Variants in EDA observed in about 807,000 individuals in gnomAD.
EDA encodes the protein ectodysplasin-A.
In EDA, 2 loss-of-function variants were observed where a neutral mutation model predicts 23.6. That is an observed-to-expected ratio of 0.08 (90% CI 0.03 to 0.27). EDA has a LOEUF of 0.27. Among genes scored for constraint, EDA ranks in the 10% least tolerant of loss-of-function variants. The probability of loss-of-function intolerance (pLI) is 1.00; values close to 1 mark genes in which losing one functional copy is unlikely to be tolerated. For missense variants in EDA, 229 were observed against 324.2 expected, an observed-to-expected ratio of 0.71 and a Z score of 2.26; for synonymous variants, 131 against 132.0, an observed-to-expected ratio of 0.99 and a Z score of 0.05.
At chrX:69,896,445 G>C (rs1368163345) in intron 1 of EDA, among the ~76,000 whole-genome samples, 5 of 106,840 alleles carry the variant, frequency 4.7e-5, no homozygotes, top group Non-Finnish European at 9.6e-5. Context: ...GTTGAGAAAG[G>C]CTGCAAAGAA....
chrX:69,908,971 CAAGAT>C (rs903592009), intron 1 of EDA, among the ~76,000 whole-genome samples: 3 of 110,281 alleles, frequency 2.7e-5, no homozygotes, highest in African/African-American at 9.9e-5. Context: ...AAGATTTAGA[CAAGAT>C]GAGTTCTGAA....
At chrX:69,786,179 CT>C (rs1569331340) in intron 1 of EDA, among the ~76,000 whole-genome samples, 1 of 111,273 alleles carries the variant, frequency 9.0e-6, no homozygotes, top group African/African-American at 3.3e-5. Context: ...TTTATTGTCT[CT>C]TTTTTTCTTT....
chrX:69,691,129 C>A (rs1934701403), intron 1 of EDA, among the ~76,000 whole-genome samples: 1 of 111,687 alleles, frequency 9.0e-6, no homozygotes, highest in Admixed American at 9.5e-5. Context: ...CAGCTAGTAA[C>A]CACTATATAA....
At chrX:69,619,027 T>G (rs1262950330) in intron 1 of EDA, among the ~76,000 whole-genome samples, 1 of 112,276 alleles carries the variant, frequency 8.9e-6, no homozygotes, top group Non-Finnish European at 1.9e-5. Flanking sequence ...ACATTTAATT[T>G]TCAGTATCTG....
chrX:69,666,198 A>G (rs369626677), intron 1 of EDA, among the ~76,000 whole-genome samples: 6 of 112,027 alleles, frequency 5.4e-5, no homozygotes, highest in Non-Finnish European at 1.1e-4. Flanking sequence ...ACAGTTTTTT[A>G]TGGACTTGGG....
At chrX:70,023,169 T>A in intron 2 of EDA, 49 bp from the exon 3 acceptor site, 1 of 885,812 alleles carries the variant, frequency 1.1e-6, no homozygotes, top group Non-Finnish European at 1.6e-6. Context: ...AAATAAACAT[T>A]TTCTGTTCAT....
intron 2 of EDA, among the ~76,000 whole-genome samples, chrX:69,994,727 C>T (rs754011599): frequency 1.5e-4 from 17 of 111,852 alleles, no homozygotes; most frequent in Non-Finnish European, 3.2e-4. Flanking sequence ...CCTAATGTTC[C>T]AAACTCCTAT....
rs761518481 is a variant in EDA at position 69,637,156 on chromosome X, T to G, written c.396+20452T>G. ...ATGGAGATGGGAAGAAATACAAAAG[T>G]GCAAAAGTTATGTATGCCAAGTAGT... On this transcript the variant is annotated intron_variant, in intron 1 of 7. Transcript: ENST00000374552. Among the ~76,000 whole-genome samples the G allele has an allele frequency of 4.5e-5, 5 of 111,761 alleles. No individual in the cohort carries two copies. In the East Asian group the frequency reaches 1.4e-3, roughly 31 times the overall value.
At chrX:69,782,796 T>A (rs993616292) in intron 1 of EDA, among the ~76,000 whole-genome samples, 1 of 111,892 alleles carries the variant, frequency 8.9e-6, no homozygotes, top group African/African-American at 3.2e-5. Context: ...GTATCTAAAA[T>A]ATAACTTGAC....
chrX:69,703,242 G>A (rs1321564478), intron 1 of EDA, among the ~76,000 whole-genome samples: 3 of 111,578 alleles, frequency 2.7e-5, no homozygotes, highest in Non-Finnish European at 5.6e-5. Context: ...AACCAAGAGA[G>A]GCCGTGCAGA....
chrX:69,832,459 G>T (rs1271969398), intron 1 of EDA, among the ~76,000 whole-genome samples: 1 of 111,869 alleles, frequency 8.9e-6, no homozygotes, highest in African/African-American at 3.2e-5. Context: ...ATAGTTTGAA[G>T]TCAGGTAGCA....
chrX:69,763,763 G>C (rs1017799423), intron 1 of EDA, among the ~76,000 whole-genome samples: 2 of 111,623 alleles, frequency 1.8e-5, no homozygotes, highest in Non-Finnish European at 3.8e-5. Context: ...GCATGGTTTG[G>C]AGTTCTCTGT....
chrX:69,626,088 A>G (rs1170775106), intron 1 of EDA, among the ~76,000 whole-genome samples: 1 of 111,817 alleles, frequency 8.9e-6, no homozygotes, highest in Non-Finnish European at 1.9e-5. Flanking sequence ...TATCCATTAC[A>G]GAAATTTAAA....
chrX:69,838,951 A>G (rs1288723734), intron 1 of EDA, among the ~76,000 whole-genome samples: 2 of 112,145 alleles, frequency 1.8e-5, no homozygotes, highest in African/African-American at 6.5e-5. Flanking sequence ...TATCCACACA[A>G]AGAAATAAAT....
Position 69,708,776 on chromosome X carries a change from G to A in EDA, c.396+92072G>A, listed in dbSNP as rs184118312. Among the ~76,000 whole-genome samples, 11 of 110,742 alleles carry A rather than the reference G, an allele frequency of 9.9e-5. No individual in the cohort carries two copies. The East Asian group carries it at 2.8e-3, about 29-fold the overall frequency. On this transcript the variant is annotated intron_variant, in intron 1 of 7. Coordinates refer to ENST00000374552, the MANE Select transcript of EDA (RefSeq NM_001399.5). The stretch of plus-strand genomic sequence containing the variant: ...GGGCAGACAAAAAATATAAAAAATA[G>A]ATCTATAATATATCAGGTGGAAGCA...
intron 1 of EDA, among the ~76,000 whole-genome samples, chrX:69,941,421 T>C (rs886605575): frequency 1.7e-4 from 19 of 111,724 alleles, no homozygotes; most frequent in Admixed American, 9.5e-5. Context: ...TTAACTCTAA[T>C]AACATTTGTT....
At chrX:69,758,930 A>G (rs2014213366) in intron 1 of EDA, among the ~76,000 whole-genome samples, 1 of 112,438 alleles carries the variant, frequency 8.9e-6, no homozygotes, top group Admixed American at 9.4e-5. Flanking sequence ...ACCGATTGTC[A>G]AGTTGGAGGT....
intron 1 of EDA, among the ~76,000 whole-genome samples, chrX:69,954,259 C>T (rs1403893872): frequency 9.0e-6 from 1 of 111,094 alleles, no homozygotes; most frequent in Non-Finnish European, 1.9e-5. Context: ...TTCCTCTGAA[C>T]CTTTAAGCAC....
At chrX:69,962,819 G>T (rs771243251) in intron 2 of EDA, among the ~76,000 whole-genome samples, 1 of 112,061 alleles carries the variant, frequency 8.9e-6, no homozygotes, top group East Asian at 2.8e-4. Flanking sequence ...GGCATTTGGG[G>T]CATTCACATT....
Sources: allele counts gnomAD v4.1 joint callset (sites outside exome capture counted in the v4.1 genomes callset), GRCh38; gene constraint gnomAD v4.1.1; transcripts MANE v1.5; gene names NCBI Gene and HGNC (gene_info 2026-07-23, HGNC 2026-07-21).